PTK2: variants seen among roughly 807,000 people sequenced by gnomAD.
The protein encoded by PTK2 is focal adhesion kinase 1.
PTK2 carries 45 observed loss-of-function variants against 150.1 expected under a neutral mutation model. The observed-to-expected ratio is 0.30, with a 90% CI of 0.24 to 0.38. The LOEUF (loss-of-function observed/expected upper bound fraction) is 0.38. PTK2 is among the 10% of genes least tolerant of loss of function. The pLI is 1.00. For missense variants in PTK2, 919 were observed against 1,307.3 expected (o/e 0.70, Z 4.58); for synonymous variants, 432 against 449.2 (o/e 0.96, Z 0.48).
intron 22 of PTK2, chr8:140,732,743 G>A (rs2100050293): frequency 3.1e-6 from 1 of 321,320 alleles, no homozygotes. Flanking sequence ...ATTGAACACG[G>A]GTTGCAGCCA....
chr8:140,707,897 G>A (rs1358224358), intron 23 of PTK2, among the ~76,000 whole-genome samples: 1 of 152,206 alleles, frequency 6.6e-6, no homozygotes, highest in Non-Finnish European at 1.5e-5. Flanking sequence ...TCCCGGTTGC[G>A]TGACTGTGAT....
chr8:140,669,301 G>GTGTATATATATATATA (rs1554641612), intron 29 of PTK2: 37 of 97,992 alleles, frequency 3.8e-4, no homozygotes, highest in African/African-American at 1.6e-3. Flanking sequence ...GCATAAAATG[G>GTGTATATATATATATA]TATATATATA....
intron 1 of PTK2, among the ~76,000 whole-genome samples, chr8:140,938,997 A>G (rs2100174714): frequency 6.6e-6 from 1 of 151,990 alleles, no homozygotes; most frequent in Admixed American, 6.6e-5. Flanking sequence ...TTTTTTGAAA[A>G]AAGAATATTT....
chr8:140,746,642 T>G (rs866664014), intron 18 of PTK2, 118 bp downstream of exon 21: 1 of 680,640 alleles, frequency 1.5e-6, no homozygotes, highest in African/African-American at 1.8e-5. Context: ...CATAATGACA[T>G]ACATCCTAAA....
intron 11 of PTK2, among the ~76,000 whole-genome samples, chr8:140,802,185 T>C (rs2100095472): frequency 1.3e-5 from 2 of 152,164 alleles, no homozygotes; most frequent in African/African-American, 4.8e-5. Context: ...TCATGTGTGT[T>C]ACGGCCCCTG....
chr8:140,823,891 CTT>C (rs2100110348), intron 8 of PTK2, among the ~76,000 whole-genome samples: 1 of 152,222 alleles, frequency 6.6e-6, no homozygotes, highest in Non-Finnish European at 1.5e-5. Flanking sequence ...TCCTGTTAGA[CTT>C]TACGCCCGTA....
chr8:140,962,219 T>TAAA (rs60163670), intron 1 of PTK2, among the ~76,000 whole-genome samples: 7 of 93,658 alleles, frequency 7.5e-5, no homozygotes, highest in East Asian at 3.2e-4. Context: ...TCTCAAAATT[T>TAAA]AAAAAAAAAA....
At chr8:140,823,684 C>T (rs2100110206) in intron 8 of PTK2, among the ~76,000 whole-genome samples, 1 of 152,176 alleles carries the variant, frequency 6.6e-6, no homozygotes, top group African/African-American at 2.4e-5. Flanking sequence ...CCCTTTGACC[C>T]CCATAGTCTC....
At chr8:140,672,245 A>G (rs1022316071) in intron 29 of PTK2, 13 of 400,904 alleles carry the variant, frequency 3.2e-5, no homozygotes, top group Non-Finnish European at 6.4e-5. Flanking sequence ...CGCAGGCCAG[A>G]TTCAAACTTC....
chr8:141,000,087 T>TCTCACACACACACACACACACACA (rs765058833), intron 1 of PTK2, among the ~76,000 whole-genome samples: 8 of 81,650 alleles, frequency 9.8e-5, no homozygotes, highest in South Asian at 4.3e-4. Context: ...TGAAACCAAT[T>TCTCACACACACACACACACACACA]CACACACACA....
intron 5 of PTK2, 134 bp from the exon 6 acceptor site, chr8:140,846,812 A>G (rs1476002639): frequency 1.6e-6 from 1 of 606,496 alleles, no homozygotes; most frequent in Non-Finnish European, 2.8e-6. Context: ...TGTTAAAGAT[A>G]TAAATAAATG....
intron 10 of PTK2, among the ~76,000 whole-genome samples, chr8:140,812,619 T>G (rs117764404): frequency 1.3e-5 from 2 of 152,190 alleles, no homozygotes; most frequent in African/African-American, 4.8e-5. Flanking sequence ...TTCATTGGTA[T>G]GCTGTCTTCA....
chr8:140,777,461 C>T (rs1386886279), intron 14 of PTK2, among the ~76,000 whole-genome samples: 1 of 152,224 alleles, frequency 6.6e-6, no homozygotes, highest in Non-Finnish European at 1.5e-5. Flanking sequence ...AAGGGATCTG[C>T]CTCATGATTC....
intron 19 of PTK2, among the ~76,000 whole-genome samples, chr8:140,744,023 C>T (rs1457023376): frequency 2.7e-5 from 4 of 150,756 alleles, no homozygotes; most frequent in South Asian, 2.1e-4. Flanking sequence ...GTGATCTGCC[C>T]GCTTCGGCCT....
rs1288625896 is a variant in PTK2, at chr8:140,671,757, C to A, written c.2709+2541G>T. On this transcript the variant is annotated intron_variant, in intron 29 of 31. Coordinates refer to ENST00000522684, the Ensembl canonical transcript of PTK2. ...TGAAACCCCGTCTCTACTAAAAATACCCAAAAAAAAAAAAAAAAAAAAAAA... is the reference window on the plus strand; with the variant it reads ...TGAAACCCCGTCTCTACTAAAAATAACCAAAAAAAAAAAAAAAAAAAAAAA... 7.4e-3 allele frequency among the ~76,000 whole-genome samples: 705 copies of A among 94,796 alleles called. 5 individuals carry two copies. The highest frequency in any genetic ancestry group is 9.5e-3 in the Non-Finnish European group (446 of 47,104). The allele number at this position is 94,796 out of a possible 152,430, so 62.2% of individuals were successfully genotyped here. A position where few individuals can be genotyped will look rare whatever the true frequency, so the allele number is the denominator to read the frequency against.
intron 1 of PTK2, among the ~76,000 whole-genome samples, chr8:140,966,033 A>C (rs1467895133): frequency 7.1e-6 from 1 of 141,748 alleles, no homozygotes; most frequent in Non-Finnish European, 1.6e-5. Context: ...TCTTCTTTCC[A>C]TGCACTCTGC....
At chr8:140,981,309 G>A (rs752344723) in intron 1 of PTK2, among the ~76,000 whole-genome samples, 12 of 152,010 alleles carry the variant, frequency 7.9e-5, no homozygotes, top group African/African-American at 1.7e-4. Flanking sequence ...CACTGAGCGG[G>A]GCCAAGGAAG....
At chr8:140,902,924 GTTTTTTTTTTTTTTTTTTT>G (rs61261890) in intron 2 of PTK2, among the ~76,000 whole-genome samples, 3 of 58,964 alleles carry the variant, frequency 5.1e-5, no homozygotes, top group South Asian at 5.7e-4. Flanking sequence ...GATGAGAGTT[GTTTTTTTTTTTTTTTTTTT>G]TTTTTTTTTT....
chr8:140,833,587 T>C (rs1328875723), intron 7 of PTK2, among the ~76,000 whole-genome samples: 1 of 152,330 alleles, frequency 6.6e-6, no homozygotes, highest in East Asian at 1.9e-4. Flanking sequence ...TGGTTTACAA[T>C]GTGCACTCTA....
Sources: allele counts gnomAD v4.1 joint callset (sites outside exome capture counted in the v4.1 genomes callset), GRCh38; gene constraint gnomAD v4.1.1; transcripts MANE v1.5; gene names NCBI Gene and HGNC (gene_info 2026-07-23, HGNC 2026-07-21).